The following NAV3 variants were observed in gnomAD, a reference collection of about 807,000 sequenced individuals.
NAV3 encodes the protein pore membrane and/or filament interacting like protein 1.
Under a neutral mutation model 244.7 loss-of-function variants are expected in NAV3, and 87 were observed. That is an observed-to-expected ratio of 0.36 (90% CI 0.30 to 0.42). The LOEUF is 0.42. NAV3 is among the 20% of genes least tolerant of loss of function. The pLI is 1.00. For synonymous variants in NAV3, 1,126 were observed against 1,042.2 expected (o/e 1.08, Z -1.55); for missense variants, 2,663 against 2,893.3 (o/e 0.92, Z 1.83).
intron 12 of NAV3, among the ~76,000 whole-genome samples, chr12:78,069,698 C>A (rs1952655992): frequency 6.6e-6 from 1 of 151,910 alleles, no homozygotes; most frequent in Non-Finnish European, 1.5e-5. Flanking sequence ...TAGCAGAATC[C>A]TATCTGATCT....
intron 2 of NAV3, among the ~76,000 whole-genome samples, chr12:77,590,012 G>A (rs1229874126): frequency 6.6e-6 from 1 of 152,216 alleles, no homozygotes; most frequent in Admixed American, 6.5e-5. Context: ...TTGGAACAGA[G>A]TAAGCCTCCA....
intron 1 of NAV3, among the ~76,000 whole-genome samples, chr12:77,908,704 AT>A (rs1281006817): frequency 6.6e-6 from 1 of 151,912 alleles, no homozygotes; most frequent in African/African-American, 2.4e-5. Context: ...TAATGAGTAG[AT>A]TTTTTTCACT....
At chr12:77,917,429 A>G (rs1244763953) in intron 1 of NAV3, among the ~76,000 whole-genome samples, 2 of 152,054 alleles carry the variant, frequency 1.3e-5, no homozygotes, top group African/African-American at 4.8e-5. Context: ...TAAAAAAGCA[A>G]GAAATGGATG....
chr12:78,188,844 C>T (rs536721485), intron 33 of NAV3, 67 bp downstream of exon 33: 3 of 1,460,858 alleles, frequency 2.1e-6, no homozygotes, highest in Non-Finnish European at 1.9e-6. Context: ...TGCCCCCCGC[C>T]CCTTTTTGGC....
chr12:77,762,361 G>A (rs983708789), intron 2 of NAV3, among the ~76,000 whole-genome samples: 9 of 151,986 alleles, frequency 5.9e-5, no homozygotes, highest in Admixed American at 6.6e-5. Flanking sequence ...AAACAATTAT[G>A]ACACTTGTCT....
intron 12 of NAV3, among the ~76,000 whole-genome samples, chr12:78,063,979 G>A (rs1003415090): frequency 6.6e-6 from 1 of 152,114 alleles, no homozygotes; most frequent in Non-Finnish European, 1.5e-5. Context: ...CAAGGCAAAA[G>A]CACATGCTAT....
chr12:78,128,097 A>T (rs1314253568), intron 17 of NAV3, among the ~76,000 whole-genome samples: 3 of 151,550 alleles, frequency 2.0e-5, no homozygotes, highest in Admixed American at 2.0e-4. Flanking sequence ...TTTCTCCATT[A>T]TTTTTTTTCT....
intron 1 of NAV3, among the ~76,000 whole-genome samples, chr12:77,877,611 A>G (rs1320101914): frequency 1.3e-5 from 2 of 152,316 alleles, no homozygotes; most frequent in Admixed American, 6.5e-5. Context: ...CAAGTTTCCC[A>G]TTAGGAAATA....
intron 12 of NAV3, among the ~76,000 whole-genome samples, chr12:78,081,478 G>A (rs1232650154): frequency 6.6e-6 from 1 of 152,202 alleles, no homozygotes; most frequent in Non-Finnish European, 1.5e-5. Flanking sequence ...GGGGAGGTGT[G>A]CTGTGCTGTG....
intron 2 of NAV3, among the ~76,000 whole-genome samples, chr12:77,702,959 T>G (rs1306180585): frequency 6.6e-6 from 1 of 152,052 alleles, no homozygotes; most frequent in Non-Finnish European, 1.5e-5. Flanking sequence ...ACTGTGATGG[T>G]CTGCTGCTGA....
chr12:77,889,724 A>T (rs1167383839), intron 1 of NAV3, among the ~76,000 whole-genome samples: 1 of 152,186 alleles, frequency 6.6e-6, no homozygotes, highest in African/African-American at 2.4e-5. Flanking sequence ...ATGTAAATTA[A>T]TTAATAACTT....
At chr12:77,967,332 T>G (rs938889503) in intron 4 of NAV3, among the ~76,000 whole-genome samples, 7 of 152,102 alleles carry the variant, frequency 4.6e-5, no homozygotes, top group Non-Finnish European at 1.0e-4. Context: ...TTAAACAAAA[T>G]CTTTCAGGTT....
At chr12:78,029,966 T>C (rs1878704031) in intron 9 of NAV3, among the ~76,000 whole-genome samples, 1 of 152,178 alleles carries the variant, frequency 6.6e-6, no homozygotes, top group South Asian at 2.1e-4. Flanking sequence ...TGATTTCTGA[T>C]GGTTCAATGC....
At chr12:77,956,060 CA>C (rs201726755) in intron 3 of NAV3, among the ~76,000 whole-genome samples, 3,397 of 152,066 alleles carry the variant, frequency 0.022, 114 homozygotes, top group African/African-American at 0.077. Flanking sequence ...TGAAGGAAAA[CA>C]AGCATCCTAC....
At chr12:77,824,241 A>ATTT (rs61710960) in intron 2 of NAV3, among the ~76,000 whole-genome samples, 2,352 of 104,884 alleles carry the variant, frequency 0.022, 123 homozygotes, top group African/African-American at 0.079. Context: ...GCCCAACTAA[A>ATTT]TTTTTTTTTT....
At chr12:77,661,636 C>G (rs1452428243) in intron 2 of NAV3, among the ~76,000 whole-genome samples, 1 of 152,040 alleles carries the variant, frequency 6.6e-6, no homozygotes, top group African/African-American at 2.4e-5. Flanking sequence ...CCAGGCCCCC[C>G]AAATTTTCTC....
chr12:77,576,951 T>C (rs1869115363), intron 2 of NAV3, among the ~76,000 whole-genome samples: 1 of 152,228 alleles, frequency 6.6e-6, no homozygotes, highest in Admixed American at 6.5e-5. Flanking sequence ...TCATTTATTA[T>C]CAGCCAATCC....
chr12:77,756,285 A>G (rs1869174207), intron 2 of NAV3, among the ~76,000 whole-genome samples: 1 of 152,228 alleles, frequency 6.6e-6, no homozygotes, highest in African/African-American at 2.4e-5. Context: ...TCATAGGCAT[A>G]AATAAGCTTT....
rs1412742392 is a variant in NAV3 at position 78,006,784 on chromosome 12, G to A, written c.1246G>A (p.Ala416Thr). The A allele has an allele frequency of 2.5e-6, 4 of 1,614,138 alleles. No homozygotes were observed. Among genetic ancestry groups the A allele is most frequent in the East Asian group, 4.5e-5 (2 of 44,866 alleles). Residue 416 changes from alanine (A) to threonine (T), a missense_variant, in exon 8 of 40, where the codon GCC (alanine) becomes ACC (threonine). By Grantham distance (58) the Ala-to-Thr change is moderately conservative. Transcript: ENST00000397909. The part of the protein sequence containing the change: ...GPSDGGKDDD[A>T]FSESGEMEGF... ...TAGTGATGGTGGGAAGGATGATGAT[G>A]CCTTTTCTGAATCTGGTGAAATGGA...
Sources: allele counts gnomAD v4.1 joint callset (sites outside exome capture counted in the v4.1 genomes callset), GRCh38; gene constraint gnomAD v4.1.1; transcripts MANE v1.5; gene names NCBI Gene and HGNC (gene_info 2026-07-23, HGNC 2026-07-21).